NR1H4: variants seen among roughly 807,000 people sequenced by gnomAD.
The protein encoded by NR1H4 is bile acid receptor.
In NR1H4, 23 loss-of-function variants were observed where a neutral mutation model predicts 58.5. That is an observed-to-expected ratio of 0.39 (90% confidence interval 0.28 to 0.56). The LOEUF (loss-of-function observed/expected upper bound fraction) is 0.56, where lower values mean the gene tolerates loss of function less well. NR1H4 is among the 20% of genes least tolerant of loss of function. The pLI is 0.58. For synonymous variants in NR1H4, 214 were observed against 198.0 expected (o/e 1.08, Z -0.68); for missense variants, 487 against 576.9 (o/e 0.84, Z 1.60).
chr12:100,561,994 TC>T lies in NR1H4; in HGVS notation c.1190del (p.Pro397GlnfsTer6). The T allele has an allele frequency of 7.2e-7, 1 of 1,382,194 alleles. No individual in the cohort carries two copies. The highest frequency in any genetic ancestry group is 1.0e-6 in the Non-Finnish European group (1 of 968,862). The allele number at this position is 1,382,194 out of a possible 1,614,324, so 85.6% of individuals were successfully genotyped here. Reference sequence around the variant, plus strand: ...TGCTTACAGCAATTGTTATCCTGTCTCCAGGTAATTCCAATGTTACATTTTA... The same window carrying T: ...TGCTTACAGCAATTGTTATCCTGTCTCAGGTAATTCCAATGTTACATTTTA... ...ALLTAIVILSPDRQYIKDREA... is the reference protein window; with the variant it reads ...ALLTAIVILSXDRQYIKDREA... On this transcript the variant is annotated frameshift_variant, in exon 10 of 11. Transcript: ENST00000392986. LOFTEE classifies it high-confidence loss of function.
intron 9 of NR1H4, among the ~76,000 whole-genome samples, chr12:100,547,623 G>A (rs1955101753): frequency 6.6e-6 from 1 of 152,088 alleles, no homozygotes. Flanking sequence ...GGGCTCCCAT[G>A]ATTTCTGGCT....
intron 3 of NR1H4, among the ~76,000 whole-genome samples, chr12:100,506,784 A>G (rs909865978): frequency 2.0e-5 from 3 of 152,246 alleles, no homozygotes; most frequent in Non-Finnish European, 4.4e-5. Flanking sequence ...CTGGGATTAC[A>G]GGCATTAGCC....
At chr12:100,517,829 A>C (rs1356127453) in intron 4 of NR1H4, among the ~76,000 whole-genome samples, 1 of 152,168 alleles carries the variant, frequency 6.6e-6, no homozygotes, top group Non-Finnish European at 1.5e-5. Flanking sequence ...ATAAGTTGTT[A>C]ATCTATTTAC....
intron 3 of NR1H4, among the ~76,000 whole-genome samples, chr12:100,502,407 C>T (rs890723937): frequency 1.3e-5 from 2 of 152,164 alleles, no homozygotes; most frequent in African/African-American, 4.8e-5. Context: ...GGAGGATGTG[C>T]TCCAGGGCTC....
chr12:100,562,386 G>A (rs1955496685), intron 10 of NR1H4, among the ~76,000 whole-genome samples: 2 of 152,174 alleles, frequency 1.3e-5, no homozygotes, highest in African/African-American at 2.4e-5. Context: ...AAGAAAGAGA[G>A]TGGCACAAAA....
intron 1 of NR1H4, among the ~76,000 whole-genome samples, chr12:100,487,084 T>C (rs1244575333): frequency 1.3e-5 from 2 of 152,158 alleles, no homozygotes; most frequent in Non-Finnish European, 2.9e-5. Context: ...TGTAAAGAAA[T>C]GTTTTTTAAA....
At chr12:100,514,076 C>T (rs1230622680) in intron 4 of NR1H4, among the ~76,000 whole-genome samples, 1 of 152,188 alleles carries the variant, frequency 6.6e-6, no homozygotes, top group Non-Finnish European at 1.5e-5. Context: ...TATAGGATGG[C>T]ATCTTTTGAG....
intron 10 of NR1H4, 59 bp downstream of exon 10, chr12:100,562,057 C>G (rs1016719830): frequency 2.8e-5 from 23 of 819,230 alleles, no homozygotes; most frequent in Non-Finnish European, 3.1e-5. Flanking sequence ...CTAGTAATAA[C>G]GTTTATTGAA....
Position 100,537,044 on chromosome 12 carries a change from C to T in NR1H4, c.928C>T (p.Pro310Ser). 1 of 1,575,006 alleles carries T rather than the reference C, an allele frequency of 6.3e-7. No homozygotes were observed. The highest frequency in any genetic ancestry group is 8.7e-7 in the Non-Finnish European group (1 of 1,150,404). The change falls in exon 8 of 11, where the codon CCA becomes TCA. Residue 310 changes from proline (P) to serine (S), a missense_variant. Coordinates refer to ENST00000392986, the MANE Select transcript of NR1H4 (RefSeq NM_001206979.2). Reference protein sequence around the residue: ...QVLVEFTKKLPGFQTLDHEDQ... With the variant: ...QVLVEFTKKLSGFQTLDHEDQ... ...TCTTGTAGAATTCACAAAAAAGCTA[C>T]CAGGTATTTTTTAAATAATCAAAGT...
chr12:100,491,318 C>T (rs184202214), intron 1 of NR1H4, among the ~76,000 whole-genome samples: 22 of 151,982 alleles, frequency 1.4e-4, no homozygotes, highest in Non-Finnish European at 1.0e-4. Context: ...CTGCCCAGCC[C>T]TCTTGGGTTC....
intron 4 of NR1H4, among the ~76,000 whole-genome samples, chr12:100,511,715 A>G (rs1239801881): frequency 6.6e-6 from 1 of 151,932 alleles, no homozygotes; most frequent in Non-Finnish European, 1.5e-5. Context: ...TGAGATCAGG[A>G]GTTCAAGACC....
rs1953628056 is a variant in NR1H4, at chr12:100,492,581, C to G, written c.-111C>G. On this transcript the variant is annotated 5_prime_UTR_variant, in exon 2 of 11. Coordinates refer to ENST00000392986, the MANE Select transcript of NR1H4 (RefSeq NM_001206979.2). ...ATAGCTCAAAGTGAACACTGCTTCT[C>G]TTAGTTTCCTGGATTTCTTCTGGAC... 6.6e-6 allele frequency: 1 copy of G among 152,188 alleles called. No homozygotes were observed. Among genetic ancestry groups the G allele is most frequent in the East Asian group, 1.9e-4 (1 of 5,200 alleles). 9.4% of individuals were successfully genotyped at this position (152,188 alleles called of 1,614,324 possible). A position where few individuals can be genotyped will look rare whatever the true frequency, so the allele number is the denominator to read the frequency against.
chr12:100,480,913 G>A (rs1241438399), intron 1 of NR1H4, among the ~76,000 whole-genome samples: 1 of 152,216 alleles, frequency 6.6e-6, no homozygotes, highest in African/African-American at 2.4e-5. Flanking sequence ...AGCTGGGATA[G>A]TTGGAAGAGC....
At chr12:100,510,172 T>C (rs1312724452) in intron 3 of NR1H4, among the ~76,000 whole-genome samples, 2 of 152,232 alleles carry the variant, frequency 1.3e-5, no homozygotes, top group African/African-American at 4.8e-5. Flanking sequence ...CAAGTGAATA[T>C]TTTTACAAAA....
chr12:100,502,581 A>G (rs1953859605), intron 3 of NR1H4, among the ~76,000 whole-genome samples: 2 of 152,244 alleles, frequency 1.3e-5, no homozygotes, highest in Admixed American at 1.3e-4. Flanking sequence ...GACCCTATCA[A>G]CAATTAAGGT....
At chr12:100,553,707 GA>G (rs1955259351) in intron 9 of NR1H4, among the ~76,000 whole-genome samples, 2 of 152,198 alleles carry the variant, frequency 1.3e-5, no homozygotes, top group Non-Finnish European at 2.9e-5. Context: ...CCCACCATCG[GA>G]AACACAGATC....
chr12:100,510,714 A>C (rs1277727295), intron 3 of NR1H4, 64 bp from the exon 4 acceptor site: 1 of 1,600,042 alleles, frequency 6.2e-7, no homozygotes, highest in African/African-American at 1.3e-5. Context: ...CCATTACGCC[A>C]AACTGCCTCT....
intron 5 of NR1H4, 127 bp from the exon 6 acceptor site, chr12:100,534,763 G>A: frequency 9.5e-7 from 1 of 1,050,442 alleles, no homozygotes; most frequent in South Asian, 1.3e-5. Context: ...ATGCATAAAA[G>A]GCTAGCGTTA....
intron 3 of NR1H4, among the ~76,000 whole-genome samples, chr12:100,497,635 C>T (rs890031609): frequency 4.6e-5 from 7 of 152,090 alleles, no homozygotes; most frequent in Non-Finnish European, 1.0e-4. Context: ...CACAGAGATT[C>T]GTCTCCTTTC....
Sources: gnomAD v4.1 joint callset for allele counts (sites outside exome capture counted in the v4.1 genomes callset) on GRCh38, gnomAD v4.1.1 for gene constraint, MANE v1.5 for transcripts, NCBI Gene and HGNC (gene_info 2026-07-23, HGNC 2026-07-21) for gene names.